The following ATG5 variants were observed in gnomAD, a reference collection of about 807,000 sequenced individuals.
ATG5 encodes the protein autophagy protein 5.
In ATG5, 14 loss-of-function variants were observed where a neutral mutation model predicts 36.5. The observed-to-expected ratio is 0.38, with a 90% CI of 0.25 to 0.60. The LOEUF is 0.60. Among genes scored for constraint, ATG5 ranks in the 20% least tolerant of loss-of-function variants. The pLI is 0.60. For missense variants in ATG5, 195 were observed against 326.7 expected (o/e 0.60, Z 3.11); for synonymous variants, 95 against 101.5 (o/e 0.94, Z 0.38).
intron 5 of ATG5, among the ~76,000 whole-genome samples, chr6:106,253,516 A>T (rs753364612): frequency 2.6e-5 from 4 of 152,194 alleles, no homozygotes; most frequent in Non-Finnish European, 4.4e-5. Flanking sequence ...TTACTCCTTT[A>T]CCCTACAAAG....
At chr6:106,300,140 G>C (rs1227808992) in intron 3 of ATG5, among the ~76,000 whole-genome samples, 1 of 152,120 alleles carries the variant, frequency 6.6e-6, no homozygotes, top group African/African-American at 2.4e-5. Context: ...CAAAAATCTA[G>C]TTTACAGAAT....
intron 6 of ATG5, among the ~76,000 whole-genome samples, chr6:106,238,770 G>A (rs1212180180): frequency 6.6e-6 from 1 of 152,132 alleles, no homozygotes; most frequent in Non-Finnish European, 1.5e-5. Flanking sequence ...TGCTAAATAA[G>A]TATCTTTGAA....
intron 6 of ATG5, among the ~76,000 whole-genome samples, chr6:106,246,386 TCTCTCTCACA>T (rs1335056164): frequency 9.4e-5 from 9 of 96,224 alleles, no homozygotes; most frequent in South Asian, 6.7e-4. Flanking sequence ...TCTCTCTCTC[TCTCTCTCACA>T]CACACACACA....
At chr6:106,290,284 T>C (rs1780254845) in intron 4 of ATG5, among the ~76,000 whole-genome samples, 1 of 149,544 alleles carries the variant, frequency 6.7e-6, no homozygotes, top group African/African-American at 2.4e-5. Context: ...TTTTATTTTA[T>C]TTTTAGATAC....
At chr6:106,197,698 C>T (rs963477668) in intron 7 of ATG5, among the ~76,000 whole-genome samples, 37 of 152,286 alleles carry the variant, frequency 2.4e-4, no homozygotes, top group African/African-American at 8.4e-4. Context: ...CACACACCAA[C>T]TTCCCTTCAG....
At chr6:106,210,807 TA>T (rs924495264) in intron 6 of ATG5, among the ~76,000 whole-genome samples, 8 of 152,214 alleles carry the variant, frequency 5.3e-5, no homozygotes, top group Admixed American at 5.2e-4. Context: ...TTGTGAAGGT[TA>T]TACAATTAAT....
At chr6:106,211,433 G>C (rs550299922) in intron 6 of ATG5, among the ~76,000 whole-genome samples, 38 of 152,208 alleles carry the variant, frequency 2.5e-4, no homozygotes, top group Non-Finnish European at 5.0e-4. Flanking sequence ...TGGACAGGCC[G>C]GGCGTGGTGG....
intron 3 of ATG5, among the ~76,000 whole-genome samples, chr6:106,298,322 C>T (rs1770059899): frequency 6.6e-6 from 1 of 152,034 alleles, no homozygotes; most frequent in Non-Finnish European, 1.5e-5. Flanking sequence ...TAAATGACGA[C>T]AACTCCTTTG....
At chr6:106,261,128 T>C (rs184492686) in intron 5 of ATG5, among the ~76,000 whole-genome samples, 4 of 152,256 alleles carry the variant, frequency 2.6e-5, no homozygotes, top group Admixed American at 6.5e-5. Context: ...AGAAGAGTTG[T>C]TAAAATATGC....
rs574276812 is a variant in ATG5 at position 106,246,173 on chromosome 6, T to G, written c.573+1977A>C. Among the ~76,000 whole-genome samples the G allele has an allele frequency of 2.2e-4, 33 of 152,254 alleles. 1 individual carries two copies. The South Asian group carries it at 6.6e-3, about 31-fold the overall frequency. On this transcript the variant is annotated intron_variant, in intron 6 of 7. Coordinates refer to ENST00000369076, the MANE Select transcript of ATG5 (RefSeq NM_004849.4). ...ATGTAGGTCAAATGAGAACCTATATTGTCCTTAGGCTCTTTGTTGCTTTCT... is the reference window on the plus strand; with the variant it reads ...ATGTAGGTCAAATGAGAACCTATATGGTCCTTAGGCTCTTTGTTGCTTTCT...
At chr6:106,294,088 A>G (rs976915602) in intron 3 of ATG5, among the ~76,000 whole-genome samples, 8 of 152,184 alleles carry the variant, frequency 5.3e-5, no homozygotes, top group African/African-American at 1.9e-4. Context: ...GTCAGTGCTC[A>G]AAATGTTTTG....
At chr6:106,297,437 G>C (rs1770004222) in intron 3 of ATG5, among the ~76,000 whole-genome samples, 1 of 151,904 alleles carries the variant, frequency 6.6e-6, no homozygotes, top group African/African-American at 2.4e-5. Context: ...GCTGGCAAAG[G>C]GTTTATAGAT....
chr6:106,319,794 G>C (rs954800376), intron 1 of ATG5, among the ~76,000 whole-genome samples: 5 of 152,140 alleles, frequency 3.3e-5, no homozygotes, highest in Non-Finnish European at 5.9e-5. Context: ...TTTCACCTCT[G>C]ATACTTGGAA....
chr6:106,238,736 A>G (rs1054128958), intron 6 of ATG5, among the ~76,000 whole-genome samples: 1 of 152,220 alleles, frequency 6.6e-6, no homozygotes, highest in Non-Finnish European at 1.5e-5. Context: ...ATACTGAGAA[A>G]ATATCTGGGA....
intron 4 of ATG5, among the ~76,000 whole-genome samples, chr6:106,280,734 A>G (rs1377641452): frequency 6.6e-6 from 1 of 152,150 alleles, no homozygotes; most frequent in Non-Finnish European, 1.5e-5. Flanking sequence ...CACTTGAGGT[A>G]AACATTATTA....
chr6:106,285,649 A>T (rs1780047403), intron 4 of ATG5, among the ~76,000 whole-genome samples: 1 of 152,222 alleles, frequency 6.6e-6, no homozygotes, highest in South Asian at 2.1e-4. Flanking sequence ...CAGGTCATAC[A>T]GTCTCTATCC....
At chr6:106,287,199 G>T (rs1159351533) in intron 4 of ATG5, among the ~76,000 whole-genome samples, 1 of 152,204 alleles carries the variant, frequency 6.6e-6, no homozygotes, top group African/African-American at 2.4e-5. Flanking sequence ...ACAGACCTAT[G>T]TCAACAACAC....
At chr6:106,207,862 G>A (rs1347036561) in intron 6 of ATG5, among the ~76,000 whole-genome samples, 1 of 152,210 alleles carries the variant, frequency 6.6e-6, no homozygotes. Context: ...GGGAGGCCGA[G>A]GAGGGAGGAT....
chr6:106,249,704 G>A (rs993321921), intron 5 of ATG5, among the ~76,000 whole-genome samples: 12 of 152,184 alleles, frequency 7.9e-5, no homozygotes, highest in African/African-American at 2.7e-4. Flanking sequence ...CAAAGTGAGT[G>A]TACTACCTTA....
Sources: gnomAD v4.1 joint callset for allele counts (sites outside exome capture counted in the v4.1 genomes callset) on GRCh38, gnomAD v4.1.1 for gene constraint, MANE v1.5 for transcripts, NCBI Gene and HGNC (gene_info 2026-07-23, HGNC 2026-07-21) for gene names.